Variants in DCC observed in about 807,000 individuals in gnomAD.
DCC encodes the protein DCC netrin 1 receptor.
Under a neutral mutation model 172.5 loss-of-function variants are expected in DCC, and 58 were observed. The ratio of observed to expected loss-of-function variants is 0.34; its 90% confidence interval spans 0.27 to 0.42. The LOEUF (loss-of-function observed/expected upper bound fraction) is 0.42. Ranked by LOEUF, DCC falls within the 10% of genes least tolerant of loss-of-function variation. The pLI is 1.00. For missense variants in DCC, 1,740 were observed against 1,791.0 expected (o/e 0.97, Z 0.51); for synonymous variants, 709 against 644.5 (o/e 1.10, Z -1.52).
chr18:52,526,053 A>G (rs1454761941), intron 1 of DCC, among the ~76,000 whole-genome samples: 1 of 152,240 alleles, frequency 6.6e-6, no homozygotes, highest in Non-Finnish European at 1.5e-5. Flanking sequence ...AGAATTCAAG[A>G]TGCATTCATT....
intron 15 of DCC, among the ~76,000 whole-genome samples, chr18:53,340,318 G>A (rs184128053): frequency 1.1e-4 from 16 of 152,194 alleles, no homozygotes; most frequent in Non-Finnish European, 1.9e-4. Flanking sequence ...CTGGGAAAAT[G>A]TTCTGTTAAT....
intron 7 of DCC, among the ~76,000 whole-genome samples, chr18:53,151,833 ATAT>A (rs1267919737): frequency 6.6e-6 from 1 of 152,046 alleles, no homozygotes; most frequent in African/African-American, 2.4e-5. Context: ...TTTAGAAAAA[ATAT>A]TATTTCATTT....
intron 1 of DCC, among the ~76,000 whole-genome samples, chr18:52,707,680 T>C (rs2036231699): frequency 6.6e-6 from 1 of 152,122 alleles, no homozygotes; most frequent in African/African-American, 2.4e-5. Flanking sequence ...GATTCAACCT[T>C]TAAAAATAAA....
intron 7 of DCC, among the ~76,000 whole-genome samples, chr18:53,078,825 T>G (rs2042759232): frequency 6.6e-6 from 1 of 152,140 alleles, no homozygotes; most frequent in African/African-American, 2.4e-5. Context: ...CTATGATGAA[T>G]GTGAGAAAAT....
At chr18:52,837,463 C>G (rs2038726447) in intron 2 of DCC, among the ~76,000 whole-genome samples, 1 of 152,150 alleles carries the variant, frequency 6.6e-6, no homozygotes, top group Non-Finnish European at 1.5e-5. Context: ...GTTCAAAACT[C>G]CACAGATCTC....
chr18:53,187,116 CTCTTTTTTTTT>C (rs1031213228), intron 9 of DCC, among the ~76,000 whole-genome samples: 15 of 141,494 alleles, frequency 1.1e-4, no homozygotes, highest in Admixed American at 2.1e-4. Context: ...TTTACTTTCT[CTCTTTTTTTTT>C]TCTTTTTTTT....
At chr18:52,988,299 A>C (rs2041328108) in intron 5 of DCC, among the ~76,000 whole-genome samples, 2 of 152,114 alleles carry the variant, frequency 1.3e-5, no homozygotes, top group Non-Finnish European at 2.9e-5. Flanking sequence ...CTTACTTTAT[A>C]CAATTATTAA....
At chr18:52,559,977 G>T (rs538325539) in intron 1 of DCC, among the ~76,000 whole-genome samples, 1 of 152,274 alleles carries the variant, frequency 6.6e-6, no homozygotes, top group Admixed American at 6.5e-5. Flanking sequence ...ATACAGAAAT[G>T]ACTTAAAGAT....
intron 2 of DCC, among the ~76,000 whole-genome samples, chr18:52,900,896 ATTGT>A (rs2039799941): frequency 2.0e-5 from 3 of 152,180 alleles, no homozygotes; most frequent in Non-Finnish European, 4.4e-5. Flanking sequence ...ATCACCAAAA[ATTGT>A]TTGTCTGCTA....
intron 1 of DCC, among the ~76,000 whole-genome samples, chr18:52,427,190 TA>T (rs771947705): frequency 6.6e-6 from 1 of 152,094 alleles, no homozygotes; most frequent in Non-Finnish European, 1.5e-5. Flanking sequence ...GTCATGAAGA[TA>T]AAACTGAAGT....
chr18:52,626,553 T>C (rs2034577256), intron 1 of DCC, among the ~76,000 whole-genome samples: 2 of 152,076 alleles, frequency 1.3e-5, no homozygotes, highest in Non-Finnish European at 2.9e-5. Context: ...CTTTTCAGTC[T>C]CTCTCCACTG....
At chr18:53,355,425 T>C (rs1200294971) in intron 15 of DCC, among the ~76,000 whole-genome samples, 2 of 152,172 alleles carry the variant, frequency 1.3e-5, no homozygotes, top group Non-Finnish European at 2.9e-5. Context: ...GTTCTTCCAT[T>C]TGTTTGTGTC....
At chr18:52,434,403 G>C (rs1987722530) in intron 1 of DCC, among the ~76,000 whole-genome samples, 2 of 152,162 alleles carry the variant, frequency 1.3e-5, no homozygotes, top group South Asian at 2.1e-4. Context: ...AAAATGCTAA[G>C]AGTGCCCAAA....
At chr18:52,869,373 G>T (rs2039281362) in intron 2 of DCC, among the ~76,000 whole-genome samples, 1 of 152,192 alleles carries the variant, frequency 6.6e-6, no homozygotes, top group African/African-American at 2.4e-5. Flanking sequence ...CCTGTTGTCT[G>T]CTCTGCTCTG....
intron 5 of DCC, among the ~76,000 whole-genome samples, chr18:53,016,808 T>C (rs2041813373): frequency 6.6e-6 from 1 of 152,142 alleles, no homozygotes; most frequent in African/African-American, 2.4e-5. Flanking sequence ...ATTTTTTACG[T>C]CTGCCCTTTA....
At chr18:52,918,158 T>G (rs2040068718) in intron 3 of DCC, among the ~76,000 whole-genome samples, 2 of 152,132 alleles carry the variant, frequency 1.3e-5, no homozygotes, top group African/African-American at 2.4e-5. Context: ...GTCAACCAAT[T>G]TATGAAATAG....
intron 15 of DCC, among the ~76,000 whole-genome samples, chr18:53,374,203 T>C (rs2058087536): frequency 6.6e-6 from 1 of 152,204 alleles, no homozygotes; most frequent in African/African-American, 2.4e-5. Context: ...TCTACTCACA[T>C]TGTAAGTACT....
chr18:53,233,308 A>G (rs1390239667), intron 12 of DCC, among the ~76,000 whole-genome samples: 2 of 152,226 alleles, frequency 1.3e-5, no homozygotes, highest in Admixed American at 6.5e-5. Context: ...CACAAAAATA[A>G]TTCAAATATT....
rs531849076 is a variant in DCC at position 52,729,354 on chromosome 18, G to A, written c.92-22700G>A. 3.3e-5 allele frequency among the ~76,000 whole-genome samples: 5 copies of A among 152,172 alleles called. No homozygotes were observed. In the South Asian group the frequency reaches 6.2e-4, roughly 19 times the overall value. On this transcript the variant is annotated intron_variant, in intron 1 of 28. Transcript: ENST00000442544. ...GGCTCATTGCAACCTCTGCCTCCTG[G>A]GTTCAAGTGATTCTCCTGCCTCAGC...
Sources: allele counts gnomAD v4.1 joint callset (sites outside exome capture counted in the v4.1 genomes callset), GRCh38; gene constraint gnomAD v4.1.1; transcripts MANE v1.5; gene names NCBI Gene and HGNC (gene_info 2026-07-23, HGNC 2026-07-21).